PRAG1: variants seen among roughly 807,000 people sequenced by gnomAD.
PRAG1 encodes PEAK1 related, kinase-activating pseudokinase 1, also known as inactive tyrosine-protein kinase PRAG1.
In PRAG1, 110 loss-of-function variants were observed where a neutral mutation model predicts 95.6. That is an observed-to-expected ratio of 1.15 (90% CI 0.99 to 1.35). PRAG1 has a LOEUF of 1.35. PRAG1 is among the 40% of genes most tolerant of loss of function. The pLI is 0.00. For synonymous variants in PRAG1, 1,052 were observed against 819.4 expected, an observed-to-expected ratio of 1.28 and a Z score of -4.85; for missense variants, 2,554 against 1,864.7, an observed-to-expected ratio of 1.37 and a Z score of -6.81.
chr8:8,354,331 C>T (rs1463311158), intron 3 of PRAG1, among the ~76,000 whole-genome samples: 1 of 151,944 alleles, frequency 6.6e-6, no homozygotes, highest in Admixed American at 6.6e-5. Context: ...CAGCTGAATT[C>T]TGCCAAACAT....
intron 5 of PRAG1, among the ~76,000 whole-genome samples, 168 bp from the exon 6 acceptor site, chr8:8,319,470 G>A (rs1798405568): frequency 6.6e-6 from 1 of 152,170 alleles, no homozygotes; most frequent in African/African-American, 2.4e-5. Context: ...AATCTTTGAG[G>A]CCTTGGGTTG....
chr8:8,377,070 T>G lies in PRAG1; in HGVS notation c.1339A>C (p.Thr447Pro), dbSNP rs1489238392. The change falls in exon 3 of 6, where the codon ACA (threonine) becomes CCA (proline). Residue 447 changes from threonine (T) to proline (P), a missense_variant. Coordinates refer to ENST00000615670, the MANE Select transcript of PRAG1 (RefSeq NM_001080826.3). ...AAAQGQGQVC[T>P]GNAWAQKAAS... ...GCTTTCTGGGCCCAGGCATTACCTGTGCATACCTGGCCTTGGCCCTGGGCA... is the reference window on the plus strand; with the variant it reads ...GCTTTCTGGGCCCAGGCATTACCTGGGCATACCTGGCCTTGGCCCTGGGCA... 1.9e-6 allele frequency: 3 copies of G among 1,613,978 alleles called. No individual in the cohort carries two copies. Among genetic ancestry groups the G allele is most frequent in the Admixed American group, 3.3e-5 (2 of 60,030 alleles).
At chr8:8,325,392 T>C (rs1238813491) in intron 5 of PRAG1, among the ~76,000 whole-genome samples, 1 of 152,186 alleles carries the variant, frequency 6.6e-6, no homozygotes, top group African/African-American at 2.4e-5. Flanking sequence ...TCCAGGAAAG[T>C]CAACTAGGAA....
intron 3 of PRAG1, among the ~76,000 whole-genome samples, chr8:8,347,560 C>G (rs776682185): frequency 1.3e-5 from 2 of 152,018 alleles, no homozygotes; most frequent in Admixed American, 1.3e-4. Flanking sequence ...TTAAGCAATT[C>G]GAGTTTTCTT....
In PRAG1 at chr8:8,318,167, A is replaced by C; in HGVS notation, c.4208T>G (p.Leu1403Arg). The stretch of plus-strand genomic sequence containing the variant: ...CTGGGGCTTGGCTCACAGAAGCTGC[A>C]GGAGCTTCAGCGACTGTAAGAGGGC... The part of the protein sequence containing the change: ...PGALLQSLKL[L>R]QLL The change falls in exon 6 of 6, where the codon CTG becomes CGG. Residue 1403 changes from leucine to arginine, a missense_variant. Transcript: ENST00000615670. The surrounding 1 kb of genome is among the most constrained non-coding windows in gnomAD (Gnocchi z 4.2). The C allele has an allele frequency of 6.2e-7, 1 of 1,613,012 alleles. No individual in the cohort carries two copies.
chr8:8,344,033 T>C (rs1799254286), intron 3 of PRAG1, among the ~76,000 whole-genome samples: 1 of 152,212 alleles, frequency 6.6e-6, no homozygotes, highest in Non-Finnish European at 1.5e-5. Flanking sequence ...ATTAATGATA[T>C]ATTCCATATG....
chr8:8,339,816 G>C (rs887051117), intron 3 of PRAG1, among the ~76,000 whole-genome samples, 181 bp from the exon 4 acceptor site: 1 of 152,138 alleles, frequency 6.6e-6, no homozygotes, highest in Non-Finnish European at 1.5e-5. Context: ...TTATGTGCAT[G>C]AATGACAGGA....
At chr8:8,335,900 A>G (rs987530704) in intron 4 of PRAG1, among the ~76,000 whole-genome samples, 49 of 152,310 alleles carry the variant, frequency 3.2e-4, no homozygotes, top group African/African-American at 1.0e-3. Context: ...AGAGTTTGCA[A>G]TCAACAATAT....
intron 4 of PRAG1, among the ~76,000 whole-genome samples, chr8:8,330,360 T>C (rs933656769): frequency 6.6e-6 from 1 of 152,198 alleles, no homozygotes; most frequent in Non-Finnish European, 1.5e-5. Flanking sequence ...AGTGAGACTG[T>C]CACAAGTGAA....
chr8:8,366,413 A>C (rs1397560089), intron 3 of PRAG1, among the ~76,000 whole-genome samples: 1 of 151,322 alleles, frequency 6.6e-6, no homozygotes, highest in Non-Finnish European at 1.5e-5. Context: ...TCCCGGGTTC[A>C]AGCAATTCTT....
chr8:8,384,608 CAAAAAAA>C (rs11400182), intron 1 of PRAG1, among the ~76,000 whole-genome samples: 1 of 92,464 alleles, frequency 1.1e-5, no homozygotes, highest in Admixed American at 1.2e-4. Context: ...CGCATGCAGC[CAAAAAAA>C]AAAAAAAAAA....
chr8:8,371,743 G>A (rs866083589), intron 3 of PRAG1, among the ~76,000 whole-genome samples: 2 of 152,126 alleles, frequency 1.3e-5, no homozygotes, highest in East Asian at 3.9e-4. Context: ...GGTGGCACGT[G>A]CCTGTAGTCC....
chr8:8,346,037 G>C (rs1213918874), intron 3 of PRAG1, among the ~76,000 whole-genome samples: 2 of 152,180 alleles, frequency 1.3e-5, no homozygotes, highest in South Asian at 2.1e-4. Flanking sequence ...AGAATCCCTG[G>C]AAAAGGCTTA....
At chr8:8,381,388 A>G in intron 2 of PRAG1, 30 bp downstream of exon 2, 3 of 1,576,610 alleles carry the variant, frequency 1.9e-6, no homozygotes, top group Non-Finnish European at 2.6e-6. Context: ...CAGCCCCTGT[A>G]AAAATACCAC....
rs753703709 is a variant in PRAG1 at position 8,378,022 on chromosome 8, G to A, written c.387C>T (p.Pro129=). 2.3e-5 allele frequency: 37 copies of A among 1,579,574 alleles called. No homozygotes were observed. Among genetic ancestry groups the A allele is most frequent in the South Asian group, 2.1e-4 (18 of 85,870 alleles). Reference sequence around the variant, plus strand: ...CTCGGAAGCTGCCCAGGTAGACGACGGGGGCATCCTCCTGCTTCGGGAGGG... The same window carrying A: ...CTCGGAAGCTGCCCAGGTAGACGACAGGGGCATCCTCCTGCTTCGGGAGGG... ...KLPLPKQEDA[P]VVYLGSFRGV... Residue 129 remains proline, a synonymous_variant, in exon 3 of 6, where the codon CCC becomes CCT. Coordinates refer to ENST00000615670, the MANE Select transcript of PRAG1 (RefSeq NM_001080826.3).
At chr8:8,349,090 C>G (rs1363366634) in intron 3 of PRAG1, among the ~76,000 whole-genome samples, 1 of 152,190 alleles carries the variant, frequency 6.6e-6, no homozygotes, top group African/African-American at 2.4e-5. Context: ...TTTCTCATAT[C>G]TACTAGGTTG....
intron 3 of PRAG1, among the ~76,000 whole-genome samples, chr8:8,371,145 A>G (rs951357782): frequency 5.9e-5 from 9 of 151,890 alleles, no homozygotes; most frequent in Non-Finnish European, 1.2e-4. Flanking sequence ...AAAAAAAAAA[A>G]AAAAAAGAGT....
At chr8:8,383,805 C>T (rs908743663) in intron 1 of PRAG1, among the ~76,000 whole-genome samples, 13 of 152,094 alleles carry the variant, frequency 8.5e-5, no homozygotes, top group African/African-American at 2.7e-4. Context: ...CTTCAACAAG[C>T]GGAGGAAATA....
chr8:8,372,648 C>G (rs1005247724), intron 3 of PRAG1, among the ~76,000 whole-genome samples: 1 of 152,224 alleles, frequency 6.6e-6, no homozygotes, highest in Non-Finnish European at 1.5e-5. Flanking sequence ...AGCCTTTCTC[C>G]TGCAGGGCAC....
Sources: gnomAD v4.1 joint callset for allele counts (sites outside exome capture counted in the v4.1 genomes callset) on GRCh38, gnomAD v4.1.1 for gene constraint, Gnocchi (gnomAD v3.1) non-coding constraint, MANE v1.5 for transcripts, NCBI Gene and HGNC (gene_info 2026-07-23, HGNC 2026-07-21) for gene names.